ATP9A: variants seen among roughly 807,000 people sequenced by gnomAD.
ATP9A encodes probable phospholipid-transporting ATPase IIA.
In ATP9A, 52 loss-of-function variants were observed where a neutral mutation model predicts 144.1. The observed-to-expected ratio is 0.36, with a 90% CI of 0.29 to 0.45. The LOEUF is 0.45. ATP9A is among the 20% of genes least tolerant of loss of function. ATP9A has a pLI of 1.00. For missense variants in ATP9A, 947 were observed against 1,392.7 expected (o/e 0.68, Z 5.09); for synonymous variants, 582 against 557.4 (o/e 1.04, Z -0.62).
At chr20:51,625,660 C>T (rs2077245512) in intron 17 of ATP9A, among the ~76,000 whole-genome samples, 1 of 152,194 alleles carries the variant, frequency 6.6e-6, no homozygotes, top group African/African-American at 2.4e-5. Flanking sequence ...ACAGCACCAA[C>T]CTCATTGGGT....
At chr20:51,761,747 G>A (rs1304956406) in intron 1 of ATP9A, among the ~76,000 whole-genome samples, 9 of 150,636 alleles carry the variant, frequency 6.0e-5, no homozygotes, top group Admixed American at 2.6e-4. Context: ...GCGACAGAGC[G>A]AGACTCCGCC....
At chr20:51,615,366 G>C (rs1008989891) in intron 22 of ATP9A, among the ~76,000 whole-genome samples, 20 of 152,276 alleles carry the variant, frequency 1.3e-4, no homozygotes, top group Non-Finnish European at 1.3e-4. Context: ...AGAGTAAGAA[G>C]TGATGGCTCT....
Position 51,676,203 on chromosome 20 carries a change from C to G in ATP9A, c.805G>C (p.Val269Leu). 8.2e-6 allele frequency: 13 copies of G among 1,585,570 alleles called. No individual in the cohort carries two copies. Among genetic ancestry groups the G allele is most frequent in the Non-Finnish European group, 9.4e-6 (11 of 1,167,574 alleles). The change falls in exon 10 of 28, where the codon GTT becomes CTT. Residue 269 changes from valine to leucine, a missense_variant. By Grantham distance (32) the Val-to-Leu change is conservative (BLOSUM62 1). This residue lies in a region of ATP9A where 770 missense variants were observed against 1,047.9 expected (regional missense o/e 0.73). Coordinates refer to ENST00000338821, the MANE Select transcript of ATP9A (RefSeq NM_006045.3). ...WAGTVVASGTVVGVVLYTGRE... is the reference protein window; with the variant it reads ...WAGTVVASGTLVGVVLYTGRE... ...CCAGTGTAAAGAACAACACCCACAA[C>G]AGTACCTAAAATGGAAAAAAGAAAA...
intron 1 of ATP9A, among the ~76,000 whole-genome samples, chr20:51,757,384 G>C (rs887617795): frequency 6.6e-6 from 1 of 152,164 alleles, no homozygotes; most frequent in African/African-American, 2.4e-5. Flanking sequence ...CCAGGCCCAC[G>C]GTAGGAGCAG....
intron 9 of ATP9A, among the ~76,000 whole-genome samples, chr20:51,680,288 GCA>G (rs2077494829): frequency 6.7e-6 from 1 of 149,678 alleles, no homozygotes; most frequent in Non-Finnish European, 1.5e-5. Flanking sequence ...TATTACTCAT[GCA>G]CAGAGGCAGG....
intron 19 of ATP9A, among the ~76,000 whole-genome samples, chr20:51,619,314 A>G (rs1435239127): frequency 6.6e-6 from 1 of 152,224 alleles, no homozygotes; most frequent in Non-Finnish European, 1.5e-5. Flanking sequence ...CTGTAATCCC[A>G]GCACTTTGGG....
intron 9 of ATP9A, among the ~76,000 whole-genome samples, chr20:51,687,773 AAAAAT>A (rs1346944806): frequency 1.9e-3 from 229 of 121,192 alleles, no homozygotes; most frequent in African/African-American, 3.2e-3. Flanking sequence ...CAAAAAAAAA[AAAAAT>A]GAATGAATGA....
intron 3 of ATP9A, among the ~76,000 whole-genome samples, chr20:51,717,003 C>T (rs2077664876): frequency 6.6e-6 from 1 of 151,864 alleles, no homozygotes; most frequent in Non-Finnish European, 1.5e-5. Flanking sequence ...GTGAAACCCC[C>T]ACCCCTATTA....
chr20:51,619,000 C>T lies in ATP9A; in HGVS notation c.2159G>A (p.Arg720His), dbSNP rs749995941. The T allele has an allele frequency of 3.2e-5, 52 of 1,613,996 alleles. No individual in the cohort carries two copies. Among genetic ancestry groups the T allele is most frequent in the East Asian group, 1.1e-4 (5 of 44,886 alleles). Residue 720 changes from arginine to histidine, a missense_variant, in exon 20 of 28, where the codon CGC becomes CAC. Arg to His is a conservative substitution (Grantham distance 29, BLOSUM62 0). Coordinates refer to ENST00000338821, the MANE Select transcript of ATP9A (RefSeq NM_006045.3). ...GACCAGGGCACAATCATGCTTCCTG[C>T]GGAAGGCGTTCAGCTCGAGGTGAGC... ...GEAHLELNAF[R>H]RKHDCALVIS...
chr20:51,654,276 T>C (rs1472067111), intron 14 of ATP9A, among the ~76,000 whole-genome samples: 2 of 152,030 alleles, frequency 1.3e-5, no homozygotes, highest in African/African-American at 2.4e-5. Flanking sequence ...AGGTGACAAA[T>C]TCCACTGCCC....
chr20:51,637,461 A>G lies in ATP9A; in HGVS notation c.1668+1882T>C, dbSNP rs956689579. Among the ~76,000 whole-genome samples the G allele has an allele frequency of 2.0e-5, 3 of 152,114 alleles. No homozygotes were observed. The South Asian group carries it at 6.2e-4, about 32-fold the overall frequency. ...GATCCTGGCCCCTGTTCTAACCCAC[A>G]GGGAGAAGACAGGTGGTGACAAGCA... On this transcript the variant is annotated intron_variant, in intron 15 of 27. Coordinates refer to ENST00000338821, the MANE Select transcript of ATP9A (RefSeq NM_006045.3).
At chr20:51,750,976 T>C (rs1478942345) in intron 1 of ATP9A, among the ~76,000 whole-genome samples, 1 of 151,884 alleles carries the variant, frequency 6.6e-6, no homozygotes, top group African/African-American at 2.4e-5. Context: ...CACATTGGGG[T>C]CTAAGAGCTC....
intron 1 of ATP9A, 33 bp downstream of exon 1, chr20:51,768,269 G>T: frequency 1.6e-6 from 2 of 1,237,510 alleles, no homozygotes; most frequent in South Asian, 6.7e-5. Flanking sequence ...GGGAGGCGCG[G>T]ACAAAGGAAA....
At chr20:51,699,767 C>A (rs1448289789) in intron 4 of ATP9A, among the ~76,000 whole-genome samples, 3 of 152,038 alleles carry the variant, frequency 2.0e-5, no homozygotes, top group Non-Finnish European at 4.4e-5. Flanking sequence ...CTCAGCCTCC[C>A]GAGTAGCTGG....
chr20:51,687,756 C>A (rs1227293345), intron 9 of ATP9A, among the ~76,000 whole-genome samples: 1 of 110,854 alleles, frequency 9.0e-6, no homozygotes, highest in African/African-American at 3.3e-5. Context: ...AGAATGAGAC[C>A]CTGTCTCAAA....
intron 11 of ATP9A, among the ~76,000 whole-genome samples, chr20:51,673,110 A>G (rs1039469686): frequency 1.3e-5 from 2 of 152,174 alleles, no homozygotes; most frequent in African/African-American, 4.8e-5. Flanking sequence ...GCAGTAGCTC[A>G]CGCCTGTAAC....
At chr20:51,655,916 T>C (rs1319306619) in intron 14 of ATP9A, among the ~76,000 whole-genome samples, 2 of 151,962 alleles carry the variant, frequency 1.3e-5, no homozygotes, top group Admixed American at 6.6e-5. Context: ...TAAAATGTAA[T>C]ATATCCATAA....
chr20:51,643,111 A>G (rs2077327858), intron 14 of ATP9A, among the ~76,000 whole-genome samples: 1 of 152,168 alleles, frequency 6.6e-6, no homozygotes, highest in Non-Finnish European at 1.5e-5. Context: ...GCTTCTATTA[A>G]CTAAATTTAC....
chr20:51,606,065 C>A (rs377358942), intron 26 of ATP9A, among the ~76,000 whole-genome samples: 18 of 151,910 alleles, frequency 1.2e-4, no homozygotes, highest in Non-Finnish European at 2.5e-4. Flanking sequence ...GTCAGGAGTT[C>A]GAGACCAGCC....
Sources: gnomAD v4.1 joint callset for allele counts (sites outside exome capture counted in the v4.1 genomes callset) on GRCh38, gnomAD v4.1.1 for gene constraint, gnomAD v4.1.1 regional missense constraint, MANE v1.5 for transcripts, NCBI Gene and HGNC (gene_info 2026-07-23, HGNC 2026-07-21) for gene names.